The following SBF2 variants were observed in gnomAD, a reference collection of about 807,000 sequenced individuals.
SBF2 encodes the protein SET binding factor 2, also known as myotubularin-related protein 13.
SBF2 carries 112 observed loss-of-function variants against 225.2 expected under a neutral mutation model. The observed-to-expected ratio is 0.50, with a 90% confidence interval of 0.43 to 0.58. SBF2 has a LOEUF of 0.58. Among genes scored for constraint, SBF2 ranks in the 20% least tolerant of loss-of-function variants. The pLI is 0.00. For missense variants in SBF2, 1,996 were observed against 2,206.2 expected (o/e 0.90, Z 1.91); for synonymous variants, 763 against 773.3 (o/e 0.99, Z 0.22).
intron 1 of SBF2, among the ~76,000 whole-genome samples, chr11:10,267,349 C>G (rs1430425462): frequency 1.3e-5 from 2 of 152,000 alleles, no homozygotes; most frequent in Non-Finnish European, 2.9e-5. Context: ...GGAAGCCAAA[C>G]CTCTATCCTA....
intron 6 of SBF2, among the ~76,000 whole-genome samples, chr11:10,020,104 T>G (rs1948792312): frequency 6.6e-6 from 1 of 152,030 alleles, no homozygotes; most frequent in Admixed American, 6.6e-5. Context: ...ACTCTCTCTC[T>G]AAAATAATAA....
At chr11:10,262,630 T>G (rs1476961854) in intron 1 of SBF2, among the ~76,000 whole-genome samples, 1 of 152,232 alleles carries the variant, frequency 6.6e-6, no homozygotes, top group African/African-American at 2.4e-5. Flanking sequence ...ATGTATAAAT[T>G]ATTTTATTTT....
At chr11:10,038,303 G>C (rs1224745836) in intron 3 of SBF2, among the ~76,000 whole-genome samples, 1 of 151,950 alleles carries the variant, frequency 6.6e-6, no homozygotes, top group Non-Finnish European at 1.5e-5. Flanking sequence ...GGTGTTTTGT[G>C]AGAATAAACT....
intron 22 of SBF2, among the ~76,000 whole-genome samples, chr11:9,847,553 G>C (rs1281108519): frequency 6.7e-6 from 1 of 149,110 alleles, no homozygotes; most frequent in Non-Finnish European, 1.5e-5. Flanking sequence ...GTATTGAAAA[G>C]ACATCCAAGA....
intron 3 of SBF2, among the ~76,000 whole-genome samples, 170 bp from the exon 4 acceptor site, chr11:10,031,340 G>A (rs1196605475): frequency 6.6e-6 from 1 of 152,118 alleles, no homozygotes; most frequent in Non-Finnish European, 1.5e-5. Context: ...CATTCTAAAA[G>A]TAAAGTAGAC....
intron 2 of SBF2, among the ~76,000 whole-genome samples, chr11:10,063,929 A>C (rs1393776682): frequency 6.6e-6 from 1 of 151,940 alleles, no homozygotes; most frequent in Non-Finnish European, 1.5e-5. Context: ...AAGTGGCCTA[A>C]AATATAAGTA....
In SBF2 at chr11:10,265,882, C is replaced by T. The variant is rs141899806; in HGVS notation, c.55+28133G>A. Among the ~76,000 whole-genome samples the T allele has an allele frequency of 1.6e-4, 24 of 151,916 alleles. No homozygotes were observed. The East Asian group carries it at 3.1e-3, about 20-fold the overall frequency. ...TTGTGTGTGTGTGTGTGTGCGCGCGCGCATGTGTGTGTGTGTTTTAGAGAT... is the reference window on the plus strand; with the variant it reads ...TTGTGTGTGTGTGTGTGTGCGCGCGTGCATGTGTGTGTGTGTTTTAGAGAT... On this transcript the variant is annotated intron_variant, in intron 1 of 39. Coordinates refer to ENST00000256190, the MANE Select transcript of SBF2 (RefSeq NM_030962.4).
chr11:9,841,816 G>A (rs1385159365), intron 25 of SBF2, among the ~76,000 whole-genome samples: 1 of 152,216 alleles, frequency 6.6e-6, no homozygotes, highest in Non-Finnish European at 1.5e-5. Context: ...TTACAGGCAT[G>A]AGCCACTGCG....
intron 2 of SBF2, among the ~76,000 whole-genome samples, chr11:10,170,558 T>G (rs184991338): frequency 6.6e-6 from 1 of 152,266 alleles, no homozygotes; most frequent in African/African-American, 2.4e-5. Flanking sequence ...AGTCAGATAA[T>G]GTAATTCTTC....
rs763187417 is a variant in SBF2, at chr11:9,789,345, G to A, written c.4699-3C>T. On this transcript the variant is annotated splice_polypyrimidine_tract_variant and splice_region_variant and intron_variant, in intron 34 of 39. Coordinates refer to ENST00000256190, the MANE Select transcript of SBF2 (RefSeq NM_030962.4). ...ACGTTTACATTGGGCTTTAGAGCCTGTTAAAGAAAACAGAAATATAGTTTC... is the reference window on the plus strand; with the variant it reads ...ACGTTTACATTGGGCTTTAGAGCCTATTAAAGAAAACAGAAATATAGTTTC... 1 of 1,608,964 alleles carries A rather than the reference G, an allele frequency of 6.2e-7. No individual in the cohort carries two copies. The highest frequency in any genetic ancestry group is 1.1e-5 in the South Asian group (1 of 90,954).
chr11:9,865,903 T>C (rs538804675), intron 17 of SBF2, among the ~76,000 whole-genome samples: 162 of 152,206 alleles, frequency 1.1e-3, no homozygotes, highest in Admixed American at 3.7e-3. Context: ...ATACAGCATT[T>C]TCTTGTTTCT....
chr11:10,182,965 G>A (rs1331030285), intron 2 of SBF2, among the ~76,000 whole-genome samples: 2 of 151,938 alleles, frequency 1.3e-5, no homozygotes, highest in Non-Finnish European at 2.9e-5. Context: ...TAGAGACAGG[G>A]TTTCACCATG....
At chr11:9,843,544 G>A (rs921070055) in intron 24 of SBF2, among the ~76,000 whole-genome samples, 1 of 152,174 alleles carries the variant, frequency 6.6e-6, no homozygotes, top group African/African-American at 2.4e-5. Flanking sequence ...CTAATCAGAT[G>A]GAGGTGAAGA....
intron 1 of SBF2, among the ~76,000 whole-genome samples, chr11:10,195,450 T>C (rs1957320269): frequency 6.6e-6 from 1 of 152,194 alleles, no homozygotes; most frequent in Non-Finnish European, 1.5e-5. Context: ...TTTAAGATCT[T>C]CATGTTCCTT....
chr11:10,026,175 C>G (rs185459278), intron 6 of SBF2, among the ~76,000 whole-genome samples: 26 of 152,166 alleles, frequency 1.7e-4, no homozygotes, highest in African/African-American at 5.8e-4. Context: ...TCTCCTCCCC[C>G]CTCACAACTC....
At chr11:10,223,200 G>A (rs950112308) in intron 1 of SBF2, among the ~76,000 whole-genome samples, 4 of 151,108 alleles carry the variant, frequency 2.6e-5, no homozygotes, top group African/African-American at 4.9e-5. Flanking sequence ...CCTCCTGTCC[G>A]ATATTCAATT....
Position 9,963,865 on chromosome 11 carries a change from C to T in SBF2, c.1618G>A (p.Val540Met). 6.3e-7 allele frequency: 1 copy of T among 1,597,598 alleles called. No individual in the cohort carries two copies. The highest frequency in any genetic ancestry group is 8.6e-7 in the Non-Finnish European group (1 of 1,165,620). ...TGTGCACTGTTGAAAACTGTCGTCA[C>T]CTTGTCCATTATCGAAACTAGTAAA... ...GPPVVSIMDK[V>M]TTVFNSAQRL... Residue 540 changes from valine to methionine, a missense_variant, in exon 15 of 40, where the codon GTG (valine) becomes ATG (methionine). Transcript: ENST00000256190.
intron 16 of SBF2, among the ~76,000 whole-genome samples, chr11:9,900,026 CTTCT>C (rs1455224278): frequency 1.0e-5 from 1 of 97,756 alleles, no homozygotes; most frequent in East Asian, 2.4e-4. Context: ...TTTTCCTTTT[CTTCT>C]TTTTTTTTTT....
chr11:9,795,699 C>T (rs995541175), intron 33 of SBF2, 132 bp downstream of exon 33: 2 of 1,143,568 alleles, frequency 1.7e-6, no homozygotes, highest in African/African-American at 1.5e-5. Flanking sequence ...TTATCCACTC[C>T]TCTACATTCA....
Sources: gnomAD v4.1 joint callset for allele counts (sites outside exome capture counted in the v4.1 genomes callset) on GRCh38, gnomAD v4.1.1 for gene constraint, MANE v1.5 for transcripts, NCBI Gene and HGNC (gene_info 2026-07-23, HGNC 2026-07-21) for gene names.